Variants in VWF observed in about 807,000 individuals in gnomAD.
The protein encoded by VWF is von Willebrand factor.
VWF carries 176 observed loss-of-function variants against 308.6 expected under a neutral mutation model. That is an observed-to-expected ratio of 0.57 (90% confidence interval 0.50 to 0.65). The LOEUF (loss-of-function observed/expected upper bound fraction) is 0.65. VWF is among the 30% of genes least tolerant of loss of function. The pLI is 0.00. For missense variants in VWF, 3,146 were observed against 3,648.2 expected, an observed-to-expected ratio of 0.86 and a Z score of 3.55; for synonymous variants, 1,385 against 1,443.4, an observed-to-expected ratio of 0.96 and a Z score of 0.92.
In VWF at chr12:6,108,576, T is replaced by C. The variant is rs185246847; in HGVS notation, c.532+1798A>G. Reference sequence around the variant, plus strand: ...AGAATACATTATTTTTGGGCATACATAGAACACTTGTAAAAAAAAAAAAAA... The same window carrying C: ...AGAATACATTATTTTTGGGCATACACAGAACACTTGTAAAAAAAAAAAAAA... On this transcript the variant is annotated intron_variant, in intron 5 of 51. Transcript: ENST00000261405. Among the ~76,000 whole-genome samples the C allele has an allele frequency of 2.1e-5, 3 of 144,774 alleles. 1 individual carries two copies. Among genetic ancestry groups the C allele is most frequent in the Admixed American group, 1.4e-4 (2 of 14,340 alleles). 95.0% of individuals were successfully genotyped at this position (144,774 alleles called of 152,430 possible).
chr12:6,082,771 C>G (rs1442817830), intron 6 of VWF, among the ~76,000 whole-genome samples: 1 of 152,228 alleles, frequency 6.6e-6, no homozygotes, highest in East Asian at 1.9e-4. Flanking sequence ...CGGGGGCTGC[C>G]TGGTTCATGC....
intron 38 of VWF, among the ~76,000 whole-genome samples, chr12:5,986,680 T>C (rs1274810928): frequency 1.3e-5 from 2 of 152,202 alleles, no homozygotes; most frequent in Non-Finnish European, 2.9e-5. Context: ...ACTCACTCAA[T>C]AAATGATAGC....
At chr12:6,006,607 G>A (rs1290195400) in intron 34 of VWF, among the ~76,000 whole-genome samples, 1 of 151,924 alleles carries the variant, frequency 6.6e-6, no homozygotes, top group East Asian at 1.9e-4. Flanking sequence ...GTGAAACCCC[G>A]TCTCTACTAA....
At chr12:6,007,072 A>G (rs1159104067) in intron 34 of VWF, among the ~76,000 whole-genome samples, 1 of 152,246 alleles carries the variant, frequency 6.6e-6, no homozygotes, top group Admixed American at 6.5e-5. Context: ...TAAAGCACAC[A>G]AATATAAGAA....
At chr12:5,967,058 T>C (rs893756005) in intron 47 of VWF, among the ~76,000 whole-genome samples, 6 of 152,192 alleles carry the variant, frequency 3.9e-5, no homozygotes, top group Non-Finnish European at 5.9e-5. Context: ...CCCGCAATAA[T>C]AGCTTGGTTG....
intron 5 of VWF, among the ~76,000 whole-genome samples, chr12:6,104,231 T>G (rs1208218467): frequency 6.6e-6 from 1 of 152,092 alleles, no homozygotes; most frequent in East Asian, 1.9e-4. Context: ...TGAGATATCA[T>G]CTTACCCTAG....
chr12:6,067,832 A>T (rs893758480), intron 10 of VWF, among the ~76,000 whole-genome samples: 5 of 149,004 alleles, frequency 3.4e-5, no homozygotes, highest in African/African-American at 9.8e-5. Flanking sequence ...AACTGCATTT[A>T]AAAAAAAAAG....
chr12:6,001,226 C>T (rs1943870115), intron 34 of VWF, among the ~76,000 whole-genome samples: 1 of 152,070 alleles, frequency 6.6e-6, no homozygotes, highest in Non-Finnish European at 1.5e-5. Flanking sequence ...TAACGTATCA[C>T]CACATTTATA....
At chr12:5,993,803 G>A (rs749987843) in intron 37 of VWF, 59 bp downstream of exon 37, 1 of 1,526,456 alleles carries the variant, frequency 6.6e-7, no homozygotes. Flanking sequence ...GGCACAGAGA[G>A]GCTGAGCAAG....
rs140725851 is a variant in VWF at position 6,095,448 on chromosome 12, G to A, written c.657+12C>T. ...ACACCATCCAGGTGCACCCAGGCCA[G>A]TCCACACCCACCTTCTGCATTTCCC... is the stretch of plus-strand genomic sequence containing the variant. On this transcript the variant is annotated intron_variant, in intron 6 of 51. Transcript: ENST00000261405. The A allele has an allele frequency of 1.2e-6, 2 of 1,613,950 alleles. No homozygotes were observed. Among genetic ancestry groups the A allele is most frequent in the South Asian group, 2.2e-5 (2 of 91,086 alleles).
intron 20 of VWF, among the ~76,000 whole-genome samples, chr12:6,032,740 A>G (rs553621682): frequency 1.5e-3 from 221 of 152,240 alleles, no homozygotes; most frequent in Non-Finnish European, 2.6e-3. Flanking sequence ...ACACCCACAC[A>G]CACACATACA....
rs1271598413 is a variant in VWF, at chr12:6,056,939, G to A, written c.1863C>T (p.Cys621=). ...CATAGCTGGCCAGGGCGCCGCACAG[G>A]CACTCGCGGCCGTCCGAGCAGGAGC... is the stretch of plus-strand genomic sequence containing the variant. ...DVCSCSDGRE[C]LCGALASYAA... The change falls in exon 15 of 52, where the codon TGC becomes TGT. Residue 621 remains cysteine (C), a synonymous_variant. Coordinates refer to ENST00000261405, the MANE Select transcript of VWF (RefSeq NM_000552.5). 6.5e-7 allele frequency: 1 copy of A among 1,536,230 alleles called. No individual in the cohort carries two copies. The highest frequency in any genetic ancestry group is 1.2e-5 in the South Asian group (1 of 83,878).
Position 6,058,199 on chromosome 12 carries a change from A to T in VWF, c.1534-155T>A, listed in dbSNP as rs1944611778. ...AGGCAGCTAAGCCCTAGGCTGCAAA[A>T]GGGGGGGCGGGGGAAAGTGAACTGC... is the stretch of plus-strand genomic sequence containing the variant. On this transcript the variant is annotated intron_variant, in intron 13 of 51. Transcript: ENST00000261405. The surrounding 1 kb of genome is among the most constrained non-coding windows in gnomAD (Gnocchi z 4.9). Among the ~76,000 whole-genome samples, 1 of 151,944 alleles carries T rather than the reference A, an allele frequency of 6.6e-6. No homozygotes were observed. The highest frequency in any genetic ancestry group is 1.5e-5 in the Non-Finnish European group (1 of 67,962).
chr12:6,069,755 T>C (rs188700762), intron 10 of VWF, among the ~76,000 whole-genome samples: 1 of 152,258 alleles, frequency 6.6e-6, no homozygotes, highest in East Asian at 1.9e-4. Context: ...ACACTGTTTA[T>C]CTTTTCATCA....
intron 5 of VWF, among the ~76,000 whole-genome samples, chr12:6,103,543 T>TAC (rs1491250969): frequency 1.2e-5 from 1 of 82,766 alleles, no homozygotes; most frequent in Non-Finnish European, 2.1e-5. Flanking sequence ...CACATATATG[T>TAC]ATACACACAC....
rs1158201351 is a variant in VWF at position 6,095,394 on chromosome 12, T to A, written c.657+66A>T. ...CCAGATGGAAGGATATGAGACTGAG[T>A]CCTTCTGTCTTTTAGATCCAGAAAT... is the stretch of plus-strand genomic sequence containing the variant. On this transcript the variant is annotated intron_variant, in intron 6 of 51. Coordinates refer to ENST00000261405, the MANE Select transcript of VWF (RefSeq NM_000552.5). The A allele has an allele frequency of 2.5e-6, 4 of 1,609,354 alleles. No individual in the cohort carries two copies. In the South Asian group the frequency reaches 3.3e-5, roughly 13 times the overall value.
chr12:5,991,815 C>A lies in VWF; in HGVS notation c.6798+4G>T. ...CATGGGAAGTGAAAGGCCCAGGCTCCTACCTGGTGCTGGACTCCATCCTCA... is the reference window on the plus strand; with the variant it reads ...CATGGGAAGTGAAAGGCCCAGGCTCATACCTGGTGCTGGACTCCATCCTCA... On this transcript the variant is annotated splice_donor_region_variant and intron_variant, in intron 38 of 51. Transcript: ENST00000261405. The A allele has an allele frequency of 1.2e-6, 2 of 1,613,852 alleles. No individual in the cohort carries two copies. The highest frequency in any genetic ancestry group is 1.7e-6 in the Non-Finnish European group (2 of 1,179,998).
At chr12:5,988,735 A>G (rs2136379364) in intron 38 of VWF, among the ~76,000 whole-genome samples, 1 of 152,356 alleles carries the variant, frequency 6.6e-6, no homozygotes, top group Middle Eastern at 3.4e-3. Flanking sequence ...TGGCCAGGCT[A>G]TGCAGCAACG....
In VWF at chr12:5,983,225, G is replaced by A. The variant is rs775676532; in HGVS notation, c.7006C>T (p.Pro2336Ser). The A allele has an allele frequency of 3.1e-6, 5 of 1,614,082 alleles. No individual in the cohort carries two copies. Among genetic ancestry groups the A allele is most frequent in the East Asian group, 2.2e-5 (1 of 44,880 alleles). Residue 2336 changes from proline (P) to serine (S), a missense_variant, in exon 41 of 52, where the codon CCA becomes TCA. By Grantham distance (74) the Pro-to-Ser change is moderately conservative. Coordinates refer to ENST00000261405, the MANE Select transcript of VWF (RefSeq NM_000552.5). Reference protein sequence around the residue: ...VCDPVSCDLPPVPHCERGLQP... With the variant: ...VCDPVSCDLPSVPHCERGLQP... ...AGGCCACGTTCACAGTGAGGCACTG[G>A]GGGCAGGTCACAGCTCACTGGGTCA...
Sources: allele counts gnomAD v4.1 joint callset (sites outside exome capture counted in the v4.1 genomes callset), GRCh38; gene constraint gnomAD v4.1.1; non-coding constraint Gnocchi (gnomAD v3.1); transcripts MANE v1.5; gene names NCBI Gene and HGNC (gene_info 2026-07-23, HGNC 2026-07-21).